Variants in GRAMD4 observed in about 807,000 individuals in gnomAD.
GRAMD4 encodes GRAM domain containing 4.
Under a neutral mutation model 83.9 loss-of-function variants are expected in GRAMD4, and 25 were observed. The ratio of observed to expected loss-of-function variants is 0.30; its 90% CI spans 0.22 to 0.42. The LOEUF (loss-of-function observed/expected upper bound fraction) is 0.42, where lower values mean the gene tolerates loss of function less well. GRAMD4 is among the 10% of genes least tolerant of loss of function. GRAMD4 has a pLI of 1.00. For missense variants in GRAMD4, 593 were observed against 788.7 expected, an observed-to-expected ratio of 0.75 and a Z score of 2.97; for synonymous variants, 336 against 320.9, an observed-to-expected ratio of 1.05 and a Z score of -0.50.
upstream of GRAMD4, among the ~76,000 whole-genome samples, chr22:46,615,770 AGGTTCCCCTGTGCGTGT>A (rs1294636156): frequency 0.056 from 646 of 11,598 alleles, 285 homozygotes; most frequent in East Asian, 0.22. Flanking sequence ...CCCCTTGTGT[AGGTTCCCCTGTGCGTGT>A]AGGTTCCCCC....
intron 13 of GRAMD4, among the ~76,000 whole-genome samples, chr22:46,670,482 G>A (rs2082485310): frequency 6.6e-6 from 1 of 152,216 alleles, no homozygotes; most frequent in African/African-American, 2.4e-5. Context: ...CCCTAGGCCT[G>A]GGTCCAGGTG....
intron 1 of GRAMD4, chr22:46,577,310 A>T: frequency 1.0e-6 from 1 of 978,630 alleles, no homozygotes; most frequent in Non-Finnish European, 1.2e-6. Context: ...GCGCGCGGAC[A>T]CCCACCTACC....
At position 46,665,607 on chromosome 22, in the gene GRAMD4, A is replaced by T; in HGVS notation, c.718-8A>T. 1 of 1,513,714 alleles carries T rather than the reference A, an allele frequency of 6.6e-7. No individual in the cohort carries two copies. The highest frequency in any genetic ancestry group is 9.2e-7 in the Non-Finnish European group (1 of 1,090,626). The allele number at this position is 1,513,714 out of a possible 1,614,324, so 93.8% of individuals were successfully genotyped here. A position where few individuals can be genotyped will look rare whatever the true frequency, so the allele number is the denominator to read the frequency against. On this transcript the variant is annotated splice_region_variant and splice_polypyrimidine_tract_variant and intron_variant, in intron 8 of 18. Coordinates refer to ENST00000406902, the MANE Select transcript of GRAMD4 (RefSeq NM_015124.5). ...CAGGAGGTCTGACGCCCTGTCTCTC[A>T]CCCGCAGGTGTACATGAATGCCGTG...
chr22:46,623,258 C>T (rs962033505), intron 1 of GRAMD4, among the ~76,000 whole-genome samples: 1 of 152,238 alleles, frequency 6.6e-6, no homozygotes. Flanking sequence ...TTCCCCCCAC[C>T]AGGCCTCCAC....
rs1046472482 is a variant in GRAMD4, at chr22:46,622,805, G to A, written c.-50+2240G>A. On this transcript the variant is annotated intron_variant, in intron 1 of 18. Coordinates refer to ENST00000406902, the MANE Select transcript of GRAMD4 (RefSeq NM_015124.5). The surrounding 1 kb of genome is among the most constrained non-coding windows in gnomAD (Gnocchi z 4.0). Reference sequence around the variant, plus strand: ...CGGGTGCCTGTAGTCCCAGCTACTCGGGAGGCTGAGGCAGGAGAATGGCGT... The same window carrying A: ...CGGGTGCCTGTAGTCCCAGCTACTCAGGAGGCTGAGGCAGGAGAATGGCGT... 1.3e-4 allele frequency among the ~76,000 whole-genome samples: 20 copies of A among 151,856 alleles called. No homozygotes were observed. The East Asian group carries it at 2.9e-3, about 22-fold the overall frequency.
In GRAMD4 at chr22:46,621,648, A is replaced by G. The variant is rs5769037; in HGVS notation, c.-50+1083A>G. On this transcript the variant is annotated intron_variant, in intron 1 of 18. Coordinates refer to ENST00000406902, the MANE Select transcript of GRAMD4 (RefSeq NM_015124.5). This position sits in a 1 kb window ranked among gnomAD's most constrained non-coding sequence, Gnocchi z 5.8. ...GGCGTAGCCCGGGCCCATCCCTGGC[A>G]GTGTGTCGCGGAGGGCACCCCTACC... Among the ~76,000 whole-genome samples the G allele has an allele frequency of 0.43, 3,860 of 9,040 alleles. 1,042 individuals carry two copies. Among genetic ancestry groups the G allele is most frequent in the East Asian group, 0.51 (105 of 206 alleles). 5.9% of individuals were successfully genotyped at this position (9,040 alleles called of 152,430 possible).
At chr22:46,641,292 C>T (rs181223768) in intron 3 of GRAMD4, among the ~76,000 whole-genome samples, 451 of 152,198 alleles carry the variant, frequency 3.0e-3, no homozygotes, top group African/African-American at 0.01. Flanking sequence ...AGGCTGGTCT[C>T]GAACTGTTGA....
At chr22:46,639,602 G>A (rs1465136725) in intron 3 of GRAMD4, among the ~76,000 whole-genome samples, 3 of 151,622 alleles carry the variant, frequency 2.0e-5, no homozygotes, top group African/African-American at 2.4e-5. Flanking sequence ...CTGTGTGTGC[G>A]TGTGCATGCC....
intron 3 of GRAMD4, among the ~76,000 whole-genome samples, chr22:46,640,648 G>A (rs182126129): frequency 2.0e-5 from 3 of 152,278 alleles, no homozygotes; most frequent in South Asian, 4.1e-4. Flanking sequence ...TGGTGAGCAC[G>A]GGGATTATTT....
chr22:46,677,364 A>C lies in GRAMD4; in HGVS notation c.*113A>C. The C allele has an allele frequency of 6.9e-7, 1 of 1,447,956 alleles. No homozygotes were observed. Among genetic ancestry groups the C allele is most frequent in the Non-Finnish European group, 9.1e-7 (1 of 1,103,062 alleles). 89.7% of individuals were successfully genotyped at this position (1,447,956 alleles called of 1,614,324 possible). ...GGACATCCTCATGAGCTTTTGCAAT[A>C]ATTCTCCTGGACCTGTGGTTCTATT... On this transcript the variant is annotated 3_prime_UTR_variant, in exon 19 of 19. Coordinates refer to ENST00000406902, the MANE Select transcript of GRAMD4 (RefSeq NM_015124.5).
intron 3 of GRAMD4, among the ~76,000 whole-genome samples, chr22:46,655,313 T>G (rs1452857756): frequency 6.6e-6 from 1 of 151,966 alleles, no homozygotes; most frequent in Admixed American, 6.5e-5. Context: ...AGCTGGGAAG[T>G]TGGATTCATT....
intron 3 of GRAMD4, among the ~76,000 whole-genome samples, chr22:46,651,024 C>T (rs1215703216): frequency 6.6e-6 from 1 of 152,218 alleles, no homozygotes; most frequent in Non-Finnish European, 1.5e-5. Flanking sequence ...TGGGGGCAGG[C>T]CCTGGCCCAT....
Position 46,658,319 on chromosome 22 carries a change from T to G in GRAMD4, c.404+12T>G, listed in dbSNP as rs773851005. 2 of 1,596,918 alleles carry G rather than the reference T, an allele frequency of 1.3e-6. No homozygotes were observed. Among genetic ancestry groups the G allele is most frequent in the Non-Finnish European group, 1.7e-6 (2 of 1,173,708 alleles). On this transcript the variant is annotated intron_variant, in intron 4 of 18. Coordinates refer to ENST00000406902, the MANE Select transcript of GRAMD4 (RefSeq NM_015124.5). ...GTGCTGAAGGCCAGGTACCGCGCCT[T>G]CCTCGGGGCCCTGGCCTGTGTGCGG...
At chr22:46,651,225 T>A (rs2082161072) in intron 3 of GRAMD4, among the ~76,000 whole-genome samples, 1 of 152,206 alleles carries the variant, frequency 6.6e-6, no homozygotes, top group Non-Finnish European at 1.5e-5. Flanking sequence ...TCCGACTCAC[T>A]CCTTGGGCAG....
intron 1 of GRAMD4, among the ~76,000 whole-genome samples, chr22:46,584,064 T>A (rs2081123677): frequency 6.6e-6 from 1 of 152,196 alleles, no homozygotes; most frequent in Non-Finnish European, 1.5e-5. Flanking sequence ...GCCATTATTT[T>A]GTTTGCTCAC....
chr22:46,660,498 A>G (rs567518782), intron 4 of GRAMD4, among the ~76,000 whole-genome samples: 18 of 152,260 alleles, frequency 1.2e-4, no homozygotes, highest in African/African-American at 4.1e-4. Flanking sequence ...ATGTGCGCAC[A>G]CACTGCACAC....
intron 1 of GRAMD4, among the ~76,000 whole-genome samples, chr22:46,592,948 G>A (rs1193595501): frequency 2.6e-5 from 4 of 152,120 alleles, no homozygotes. Flanking sequence ...TGTATAATTA[G>A]AAGATATAAA....
At chr22:46,673,623 C>T (rs757950487) in intron 14 of GRAMD4, 47 bp from the exon 15 acceptor site, 28 of 1,590,286 alleles carry the variant, frequency 1.8e-5, no homozygotes, top group Admixed American at 6.8e-5. Context: ...CTGGGTGCTG[C>T]AGGCGTGGGC....
At position 46,658,259 on chromosome 22, in the gene GRAMD4, A is replaced by T. The variant is rs376982476; in HGVS notation, c.356A>T (p.Gln119Leu). The T allele has an allele frequency of 6.2e-7, 1 of 1,613,310 alleles. No individual in the cohort carries two copies. Among genetic ancestry groups the T allele is most frequent in the Non-Finnish European group, 8.5e-7 (1 of 1,179,888 alleles). Residue 119 changes from glutamine (Q) to leucine (L), a missense_variant, in exon 4 of 19, where the codon CAG (glutamine) becomes CTG (leucine). Coordinates refer to ENST00000406902, the MANE Select transcript of GRAMD4 (RefSeq NM_015124.5). ...MLRQELDRER[Q>L]RRMELEQKVQ... ...CGGCAGGAGCTGGACCGCGAGCGGC[A>T]GCGGCGGATGGAGCTGGAGCAGAAG...
Sources: allele counts gnomAD v4.1 joint callset (sites outside exome capture counted in the v4.1 genomes callset), GRCh38; gene constraint gnomAD v4.1.1; non-coding constraint Gnocchi (gnomAD v3.1); transcripts MANE v1.5; gene names NCBI Gene and HGNC (gene_info 2026-07-23, HGNC 2026-07-21).